PTPRN2: variants seen among roughly 807,000 people sequenced by gnomAD.
PTPRN2 encodes the protein receptor-type tyrosine-protein phosphatase N2.
Under a neutral mutation model 118.8 loss-of-function variants are expected in PTPRN2, and 74 were observed. The observed-to-expected ratio is 0.62, with a 90% CI of 0.52 to 0.76. The LOEUF is 0.76. Ranked by LOEUF, PTPRN2 falls within the 30% of genes least tolerant of loss-of-function variation. The probability of loss-of-function intolerance (pLI) is 0.00; values close to 1 mark genes in which losing one functional copy is unlikely to be tolerated. For synonymous variants in PTPRN2, 641 were observed against 608.0 expected (o/e 1.05, Z -0.80); for missense variants, 1,481 against 1,394.4 (o/e 1.06, Z -0.99).
Position 157,828,918 on chromosome 7 carries a change from G to A in PTPRN2, c.1788+69755C>T, listed in dbSNP as rs181605138. ...TTGGAGTCACCAATTCAGGAACGAA[G>A]ATGGTGTCACTGTTTTCTCCAACTG... is the stretch of plus-strand genomic sequence containing the variant. On this transcript the variant is annotated intron_variant, in intron 12 of 22. Transcript: ENST00000389418. Among the ~76,000 whole-genome samples the A allele has an allele frequency of 3.0e-4, 45 of 152,358 alleles. No homozygotes were observed. The East Asian group carries it at 7.5e-3, about 25-fold the overall frequency.
intron 3 of PTPRN2, among the ~76,000 whole-genome samples, chr7:158,262,837 TACAC>T (rs369501826): frequency 1.6e-5 from 2 of 127,126 alleles, no homozygotes; most frequent in African/African-American, 3.2e-5. Context: ...ATTCACACAC[TACAC>T]ACACATACAT....
intron 2 of PTPRN2, among the ~76,000 whole-genome samples, chr7:158,441,045 A>ACAG (rs1563295465): frequency 2.0e-5 from 2 of 100,068 alleles, no homozygotes; most frequent in African/African-American, 9.2e-5. Context: ...GGTAGTAGTG[A>ACAG]TGGTGGTAGT....
rs1827485962 is a variant in PTPRN2, at chr7:158,563,149, G to C, written c.112+24409C>G. 6.6e-6 allele frequency among the ~76,000 whole-genome samples: 1 copy of C among 152,172 alleles called. No individual in the cohort carries two copies. Among genetic ancestry groups the C allele is most frequent in the African/African-American group, 2.4e-5 (1 of 41,434 alleles). On this transcript the variant is annotated intron_variant, in intron 1 of 22. Transcript: ENST00000389418. This position sits in a 1 kb window ranked among gnomAD's most constrained non-coding sequence, Gnocchi z 5.1. ...GCTGGTGCAGTGCCACCGAAGAAGA[G>C]AGGTCCTACCTGAAACCTCACAGGG...
intron 12 of PTPRN2, among the ~76,000 whole-genome samples, chr7:157,685,407 C>T (rs1276358006): frequency 6.6e-6 from 1 of 152,054 alleles, no homozygotes; most frequent in African/African-American, 2.4e-5. Context: ...GGGGCCACGG[C>T]GTGTGGCGGA....
Position 158,348,577 on chromosome 7 carries a change from C to T in PTPRN2, c.164-31645G>A, listed in dbSNP as rs544876545. ...CGTGAGTCTGTGTTGGCTTCTGTCA[C>T]TTGCAGTCCTGAGTGCTGAGCTGGG... On this transcript the variant is annotated intron_variant, in intron 2 of 22. Transcript: ENST00000389418. Among the ~76,000 whole-genome samples the T allele has an allele frequency of 1.3e-4, 20 of 152,218 alleles. No homozygotes were observed. The South Asian group carries it at 3.8e-3, about 29-fold the overall frequency.
chr7:157,575,096 C>T (rs1287964301), intron 19 of PTPRN2, among the ~76,000 whole-genome samples: 2 of 152,200 alleles, frequency 1.3e-5, no homozygotes, highest in Admixed American at 1.3e-4. Context: ...CGGTGATGTA[C>T]ATGTTCCCGT....
At chr7:157,976,904 G>C (rs948634285) in intron 11 of PTPRN2, among the ~76,000 whole-genome samples, 1 of 151,818 alleles carries the variant, frequency 6.6e-6, no homozygotes, top group East Asian at 1.9e-4. Flanking sequence ...CTCCCAAATC[G>C]TCAAAGCCAG....
chr7:158,407,162 CTGGGT>C lies in PTPRN2; in HGVS notation c.163+82568_163+82572del, dbSNP rs1563254265. Among the ~76,000 whole-genome samples the C allele has an allele frequency of 1.4e-3, 166 of 122,112 alleles. 4 individuals carry two copies. The highest frequency in any genetic ancestry group is 2.5e-3 in the African/African-American group (89 of 35,330). 80.1% of individuals were successfully genotyped at this position (122,112 alleles called of 152,430 possible). A position where few individuals can be genotyped will look rare whatever the true frequency, so the allele number is the denominator to read the frequency against. ...CGTCCTGCGTCCTGGGTCCTGGGTCCTGGGTCCTGCGTCCTGCGTCCTGGGTCCTG... is the reference window on the plus strand; with the variant it reads ...CGTCCTGCGTCCTGGGTCCTGGGTCCCCTGCGTCCTGCGTCCTGGGTCCTG... On this transcript the variant is annotated intron_variant, in intron 2 of 22. Coordinates refer to ENST00000389418, the MANE Select transcript of PTPRN2 (RefSeq NM_002847.5).
chr7:157,549,026 C>CA lies in PTPRN2; in HGVS notation c.2903-8dup, dbSNP rs776668997. 1.4e-5 allele frequency: 23 copies of CA among 1,613,968 alleles called. No homozygotes were observed. Among genetic ancestry groups the CA allele is most frequent in the Non-Finnish European group, 1.9e-5 (22 of 1,179,916 alleles). ...ATATCAATCTCTTTAGCACCTGCAA[C>CA]AAACCACAAATTGGGCTGAGTTCAG... On this transcript the variant is annotated splice_region_variant and splice_polypyrimidine_tract_variant and intron_variant, in intron 21 of 22. Coordinates refer to ENST00000389418, the MANE Select transcript of PTPRN2 (RefSeq NM_002847.5).
intron 12 of PTPRN2, among the ~76,000 whole-genome samples, chr7:157,806,477 G>A (rs1805639320): frequency 1.3e-5 from 2 of 152,236 alleles, no homozygotes; most frequent in Middle Eastern, 3.4e-3. Flanking sequence ...TAGATGTCTG[G>A]TATATATGTA....
chr7:158,023,234 A>G (rs1440534329), intron 11 of PTPRN2, among the ~76,000 whole-genome samples: 1 of 152,094 alleles, frequency 6.6e-6, no homozygotes, highest in African/African-American at 2.4e-5. Flanking sequence ...ACATCTCGCT[A>G]AAGGAGGAGC....
rs1586788057 is a variant in PTPRN2, at chr7:158,489,634, C to G, written c.163+101G>C. 3.8e-6 allele frequency: 5 copies of G among 1,301,360 alleles called. No individual in the cohort carries two copies. The African/African-American group carries it at 4.7e-5, about 12-fold the overall frequency. The allele number at this position is 1,301,360 out of a possible 1,614,324, so 80.6% of individuals were successfully genotyped here. A position where few individuals can be genotyped will look rare whatever the true frequency, so the allele number is the denominator to read the frequency against. On this transcript the variant is annotated intron_variant, in intron 2 of 22. Coordinates refer to ENST00000389418, the MANE Select transcript of PTPRN2 (RefSeq NM_002847.5). ...CTCTCGGCAGCGCGCCCCGGGCGGC[C>G]CCAGCTCCAGGCCAGCGGCGGGGCT...
chr7:157,836,896 A>G (rs937874778), intron 12 of PTPRN2, among the ~76,000 whole-genome samples: 7 of 151,302 alleles, frequency 4.6e-5, no homozygotes, highest in Non-Finnish European at 8.9e-5. Context: ...CCACTTACTC[A>G]TCCATCTACC....
chr7:158,016,315 C>T (rs563615308), intron 11 of PTPRN2, among the ~76,000 whole-genome samples: 74 of 152,274 alleles, frequency 4.9e-4, no homozygotes, highest in African/African-American at 1.6e-3. Flanking sequence ...GTTTAGACCC[C>T]GTCCTGTGCC....
In PTPRN2 at chr7:157,794,999, G is replaced by A. The variant is rs1309085401; in HGVS notation, c.1788+103674C>T. On this transcript the variant is annotated intron_variant, in intron 12 of 22. Coordinates refer to ENST00000389418, the MANE Select transcript of PTPRN2 (RefSeq NM_002847.5). The surrounding 1 kb of genome is among the most constrained non-coding windows in gnomAD (Gnocchi z 5.2). ...GTATTGAAACTTCCTCTAAGACATG[G>A]ATCCCTGTGCGTCGCAGCCCCTCAC... Among the ~76,000 whole-genome samples, 1 of 152,206 alleles carries A rather than the reference G, an allele frequency of 6.6e-6. No homozygotes were observed. Among genetic ancestry groups the A allele is most frequent in the African/African-American group, 2.4e-5 (1 of 41,440 alleles).
intron 14 of PTPRN2, among the ~76,000 whole-genome samples, chr7:157,628,607 G>A (rs1043866722): frequency 1.6e-4 from 24 of 152,334 alleles, no homozygotes; most frequent in African/African-American, 5.3e-4. Context: ...TGAGCCCCAC[G>A]GGTGCACCCC....
intron 6 of PTPRN2, among the ~76,000 whole-genome samples, chr7:158,146,616 G>C (rs550831378): frequency 1.3e-5 from 2 of 149,976 alleles, no homozygotes; most frequent in Admixed American, 6.6e-5. Flanking sequence ...AGCTACTCAG[G>C]AGCCTGAGGC....
intron 3 of PTPRN2, among the ~76,000 whole-genome samples, chr7:158,238,719 C>T (rs1319876961): frequency 4.6e-5 from 7 of 152,144 alleles, no homozygotes; most frequent in Admixed American, 4.6e-4. Context: ...GGCTCTAGGT[C>T]ATGACAGCTC....
At chr7:157,920,958 C>T (rs1798663496) in intron 11 of PTPRN2, among the ~76,000 whole-genome samples, 1 of 152,112 alleles carries the variant, frequency 6.6e-6, no homozygotes, top group African/African-American at 2.4e-5. Flanking sequence ...AGTATATGAC[C>T]CAGCAGTCAT....
Sources: gnomAD v4.1 joint callset for allele counts (sites outside exome capture counted in the v4.1 genomes callset) on GRCh38, gnomAD v4.1.1 for gene constraint, Gnocchi (gnomAD v3.1) non-coding constraint, MANE v1.5 for transcripts, NCBI Gene and HGNC (gene_info 2026-07-23, HGNC 2026-07-21) for gene names.